Variants in CIITA observed in about 807,000 individuals in gnomAD.
The protein encoded by CIITA is MHC class II transactivator.
CIITA carries 72 observed loss-of-function variants against 115.1 expected under a neutral mutation model. That is an observed-to-expected ratio of 0.63 (90% CI 0.52 to 0.76). CIITA has a LOEUF of 0.76. CIITA is among the 30% of genes least tolerant of loss of function. CIITA has a pLI of 0.00. For synonymous variants in CIITA, 763 were observed against 635.6 expected, an observed-to-expected ratio of 1.20 and a Z score of -3.02; for missense variants, 1,617 against 1,463.8, an observed-to-expected ratio of 1.10 and a Z score of -1.71.
At position 10,895,405 on chromosome 16, in the gene CIITA, A is replaced by G; in HGVS notation, c.176A>G (p.Glu59Gly). 6.2e-7 allele frequency: 1 copy of G among 1,613,882 alleles called. No individual in the cohort carries two copies. The stretch of plus-strand genomic sequence containing the variant: ...TATGACCAGATGGACCTGGCTGGAG[A>G]AGAAGAGATTGAGCTCTACTCAGGT... ...HFYDQMDLAG[E>G]EEIELYSEPD... Residue 59 changes from glutamate to glycine, a missense_variant, in exon 2 of 20, where the codon GAA becomes GGA. Physicochemically the swap from Glu to Gly is moderately conservative, Grantham distance 98. Transcript: ENST00000324288.
At chr16:10,867,072 G>A (rs1025823177) in intron 1 of CIITA, among the ~76,000 whole-genome samples, 4 of 152,156 alleles carry the variant, frequency 2.6e-5, no homozygotes, top group Non-Finnish European at 5.9e-5. Context: ...GCAAAACCCT[G>A]TCTCTACTAA....
Position 10,920,590 on chromosome 16 carries a change from T to A in CIITA, c.3150-1577T>A, listed in dbSNP as rs2040216339. Among the ~76,000 whole-genome samples the A allele has an allele frequency of 6.6e-6, 1 of 152,238 alleles. No individual in the cohort carries two copies. Among genetic ancestry groups the A allele is most frequent in the East Asian group, 1.9e-4 (1 of 5,188 alleles). ...ACATCATATTTCATGGAATCTAAGA[T>A]GCCATCCATTGTAAGACCCCAATAT... On this transcript the variant is annotated intron_variant, in intron 16 of 19. Transcript: ENST00000324288. The surrounding 1 kb of genome is among the most constrained non-coding windows in gnomAD (Gnocchi z 4.5).
intron 5 of CIITA, among the ~76,000 whole-genome samples, chr16:10,900,033 A>G (rs2038556654): frequency 2.0e-5 from 3 of 152,098 alleles, no homozygotes; most frequent in Non-Finnish European, 4.4e-5. Context: ...GTGAGCTAAG[A>G]TCACGCCACT....
Position 10,907,583 on chromosome 16 carries a change from C to T in CIITA, c.2091C>T (p.His697=), listed in dbSNP as rs1405994980. The part of the protein sequence containing the change: ...TWAMAKGLVQ[H]PPRAAESELA... ...CGATGGCCAAAGGCTTAGTCCAACA[C>T]CCACCGCGGGCCGCAGAGTCCGAGC... The change falls in exon 11 of 20, where the codon CAC becomes CAT. Residue 697 remains histidine (H), a synonymous_variant. Transcript: ENST00000324288. This position sits in a 1 kb window ranked among gnomAD's most constrained non-coding sequence, Gnocchi z 5.0. The T allele has an allele frequency of 1.2e-6, 2 of 1,614,190 alleles. No individual in the cohort carries two copies. The highest frequency in any genetic ancestry group is 1.6e-4 in the Middle Eastern group (1 of 6,062).
intron 1 of CIITA, among the ~76,000 whole-genome samples, chr16:10,883,320 G>C (rs931991426): frequency 2.2e-4 from 33 of 152,306 alleles, no homozygotes; most frequent in Non-Finnish European, 3.8e-4. Context: ...AGGCTATCTG[G>C]AGCTGGGACA....
chr16:10,897,760 G>A lies in CIITA; in HGVS notation c.296-910G>A, dbSNP rs959901441. On this transcript the variant is annotated intron_variant, in intron 3 of 19. Coordinates refer to ENST00000324288, the MANE Select transcript of CIITA (RefSeq NM_000246.4). ...ATTTGCACAGAGTAAGCATTCAGTA[G>A]ATGTTAGGTACTACCCCACAACCAC... Among the ~76,000 whole-genome samples, 3 of 152,100 alleles carry A rather than the reference G, an allele frequency of 2.0e-5. No homozygotes were observed. The East Asian group carries it at 5.8e-4, about 29-fold the overall frequency.
rs1407428406 is a variant in CIITA, at chr16:10,941,691, G to C, written n.817G>C. 4 of 1,585,594 alleles carry C rather than the reference G, an allele frequency of 2.5e-6. No homozygotes were observed. The highest frequency in any genetic ancestry group is 3.4e-6 in the Non-Finnish European group (4 of 1,164,774). ...CAGGGCATGGGTTGCGGATCGTGTA[G>C]GGAAGAGGGGAACAGCAGTCGAGAC... On this transcript the variant is annotated non_coding_transcript_exon_variant, in exon 2 of 2. Coordinates refer to the CIITA transcript ENST00000573379. This position sits in a 1 kb window ranked among gnomAD's most constrained non-coding sequence, Gnocchi z 6.4.
Position 10,931,612 on chromosome 16 carries a change from G to C in CIITA, c.*7757G>C, listed in dbSNP as rs2040798460. ...TAATCCCAACACTTTGGGAGGCTAA[G>C]GTGGGTGGATCAGTTGAGATCAGGA... On this transcript the variant is annotated 3_prime_UTR_variant, in exon 20 of 20. Transcript: ENST00000324288. 6.6e-6 allele frequency: 1 copy of C among 152,258 alleles called. No homozygotes were observed. 9.4% of individuals were successfully genotyped at this position (152,258 alleles called of 1,614,324 possible).
upstream of CIITA, among the ~76,000 whole-genome samples, chr16:10,876,793 G>A (rs567453372): frequency 6.6e-5 from 10 of 152,202 alleles, no homozygotes; most frequent in Non-Finnish European, 1.3e-4. Context: ...CATGGTAGAG[G>A]AGAGCAGCAT....
At chr16:10,877,635 C>A (rs1334106030) in intron 1 of CIITA, among the ~76,000 whole-genome samples, 3 of 152,196 alleles carry the variant, frequency 2.0e-5, no homozygotes, top group African/African-American at 7.2e-5. Context: ...AGAAGTCAGA[C>A]TTTCGGGCAG....
intron 1 of CIITA, among the ~76,000 whole-genome samples, chr16:10,893,382 C>T (rs1401462335): frequency 6.6e-6 from 1 of 152,170 alleles, no homozygotes; most frequent in Non-Finnish European, 1.5e-5. Context: ...CTTGGCTTTC[C>T]CCAGCAAGAG....
intron 10 of CIITA, among the ~76,000 whole-genome samples, chr16:10,906,153 A>G (rs2039134634): frequency 6.6e-6 from 1 of 152,102 alleles, no homozygotes; most frequent in South Asian, 2.1e-4. Flanking sequence ...TGATTGTGCC[A>G]TTGCACGCCA....
intron 15 of CIITA, among the ~76,000 whole-genome samples, chr16:10,917,836 A>T (rs963587445): frequency 6.6e-6 from 1 of 152,170 alleles, no homozygotes; most frequent in Non-Finnish European, 1.5e-5. Flanking sequence ...ACTCCCCCTC[A>T]CAACCAAGGT....
At chr16:10,919,026 G>C (rs1486591091) in intron 16 of CIITA, among the ~76,000 whole-genome samples, 1 of 152,078 alleles carries the variant, frequency 6.6e-6, no homozygotes, top group Non-Finnish European at 1.5e-5. Context: ...GACTGAGCTT[G>C]GACCAGAGCC....
rs2040359347 is a variant in CIITA, at chr16:10,923,048, A to C, written c.3318-180A>C. 3.2e-6 allele frequency: 2 copies of C among 631,794 alleles called. No homozygotes were observed. The highest frequency in any genetic ancestry group is 5.7e-6 in the Non-Finnish European group (2 of 352,226). 39.1% of individuals were successfully genotyped at this position (631,794 alleles called of 1,614,324 possible). On this transcript the variant is annotated intron_variant, in intron 18 of 19. Coordinates refer to ENST00000324288, the MANE Select transcript of CIITA (RefSeq NM_000246.4). The surrounding 1 kb of genome is among the most constrained non-coding windows in gnomAD (Gnocchi z 5.2). ...AAGTCAGCTGCAGAACCATAAAGGA[A>C]TCTCGGGCCTCCTAGGCTTCTCCTT...
intron 1 of CIITA, among the ~76,000 whole-genome samples, chr16:10,882,874 G>A (rs2036565344): frequency 6.6e-6 from 1 of 152,188 alleles, no homozygotes; most frequent in Admixed American, 6.5e-5. Context: ...TCCAGCCTGG[G>A]CAACAAGAGT....
downstream of CIITA, chr16:10,936,717 T>G (rs1308371117): frequency 1.3e-5 from 2 of 152,218 alleles, no homozygotes; most frequent in African/African-American, 2.4e-5. Context: ...GAGCCCTCAC[T>G]GGAGGCACCC....
chr16:10,906,934 A>G lies in CIITA; in HGVS notation c.1442A>G (p.Asp481Gly), dbSNP rs2039204105. 5.6e-6 allele frequency: 9 copies of G among 1,613,196 alleles called. No individual in the cohort carries two copies. In the East Asian group the frequency reaches 1.8e-4, roughly 32 times the overall value. The change falls in exon 11 of 20, where the codon GAT (aspartate) becomes GGT (glycine). Residue 481 changes from aspartate to glycine, a missense_variant. By Grantham distance (94) the Asp-to-Gly change is moderately conservative (BLOSUM62 -1). Transcript: ENST00000324288. Reference sequence around the variant, plus strand: ...GGCCCACAGCCACTCGTGGCGGCCGATGAGGTTTTCAGCCACATCTTGAAG... The same window carrying G: ...GGCCCACAGCCACTCGTGGCGGCCGGTGAGGTTTTCAGCCACATCTTGAAG... ...SLGPQPLVAA[D>G]EVFSHILKRP...
Position 10,915,555 on chromosome 16 carries a change from C to G in CIITA, c.2889-15C>G. 1 of 1,610,048 alleles carries G rather than the reference C, an allele frequency of 6.2e-7. No individual in the cohort carries two copies. Among genetic ancestry groups the G allele is most frequent in the Non-Finnish European group, 8.5e-7 (1 of 1,176,332 alleles). ...ACTGTGACTGGAGGTCTTACCCTTGCTCTTTGCCTCCTAGGCTGGGCCCTG... is the reference window on the plus strand; with the variant it reads ...ACTGTGACTGGAGGTCTTACCCTTGGTCTTTGCCTCCTAGGCTGGGCCCTG... On this transcript the variant is annotated splice_polypyrimidine_tract_variant and intron_variant, in intron 13 of 19. Transcript: ENST00000324288.
Sources: gnomAD v4.1 joint callset for allele counts (sites outside exome capture counted in the v4.1 genomes callset) on GRCh38, gnomAD v4.1.1 for gene constraint, Gnocchi (gnomAD v3.1) non-coding constraint, MANE v1.5 for transcripts, NCBI Gene and HGNC (gene_info 2026-07-23, HGNC 2026-07-21) for gene names.